The following MEGF11 variants were observed in gnomAD, a reference collection of about 807,000 sequenced individuals.
MEGF11 encodes multiple epidermal growth factor-like domains protein 11.
MEGF11 carries 126 observed loss-of-function variants against 146.6 expected under a neutral mutation model. That is an observed-to-expected ratio of 0.86 (90% confidence interval 0.74 to 1.00). The LOEUF is 1.00. Among genes scored for constraint, MEGF11 ranks in the 50% least tolerant of loss-of-function variants. The pLI is 0.00. For synonymous variants in MEGF11, 532 were observed against 583.4 expected, an observed-to-expected ratio of 0.91 and a Z score of 1.27; for missense variants, 1,509 against 1,521.2, an observed-to-expected ratio of 0.99 and a Z score of 0.13.
At chr15:65,995,180 T>G (rs333570) in intron 5 of MEGF11, among the ~76,000 whole-genome samples, 1 of 152,202 alleles carries the variant, frequency 6.6e-6, no homozygotes, top group South Asian at 2.1e-4. Flanking sequence ...GGAGGGGGCG[T>G]GCAGGGCTGG....
chr15:66,248,552 G>T (rs929250001), intron 1 of MEGF11, among the ~76,000 whole-genome samples: 3 of 152,146 alleles, frequency 2.0e-5, no homozygotes, highest in African/African-American at 7.2e-5. Context: ...CAGGTACAGG[G>T]GATATATTCC....
chr15:66,148,113 C>T (rs937991179), intron 1 of MEGF11, among the ~76,000 whole-genome samples: 7 of 152,116 alleles, frequency 4.6e-5, no homozygotes, highest in East Asian at 3.9e-4. Context: ...TAAATGTGTA[C>T]ACGCGTGCAT....
intron 7 of MEGF11, among the ~76,000 whole-genome samples, chr15:65,972,860 C>T (rs1478444675): frequency 6.6e-6 from 1 of 152,200 alleles, no homozygotes; most frequent in East Asian, 1.9e-4. Flanking sequence ...CACGGTGGCT[C>T]ACGCCTGTAA....
At chr15:65,966,528 C>T (rs1353443826) in intron 8 of MEGF11, among the ~76,000 whole-genome samples, 1 of 152,166 alleles carries the variant, frequency 6.6e-6, no homozygotes, top group East Asian at 1.9e-4. Flanking sequence ...CATATCTCCT[C>T]CCTGACTGCG....
At chr15:65,993,683 G>T (rs2082120913) in intron 5 of MEGF11, among the ~76,000 whole-genome samples, 1 of 152,180 alleles carries the variant, frequency 6.6e-6, no homozygotes, top group South Asian at 2.1e-4. Flanking sequence ...GGGATCAAGG[G>T]GAATTTGGTG....
At chr15:65,984,522 T>C (rs1355342117) in intron 5 of MEGF11, among the ~76,000 whole-genome samples, 1 of 18,254 alleles carries the variant, frequency 5.5e-5, no homozygotes, top group Non-Finnish European at 2.0e-4. Flanking sequence ...CAAGACTCCG[T>C]GTCAAAAAAA....
chr15:66,112,075 TAAA>T (rs10715805), intron 4 of MEGF11, among the ~76,000 whole-genome samples: 8 of 131,094 alleles, frequency 6.1e-5, no homozygotes, highest in Admixed American at 3.1e-4. Flanking sequence ...GGCTAATAGT[TAAA>T]AAAAAAAAAA....
intron 1 of MEGF11, among the ~76,000 whole-genome samples, chr15:66,200,697 A>G (rs1381583625): frequency 6.6e-6 from 1 of 152,214 alleles, no homozygotes; most frequent in African/African-American, 2.4e-5. Context: ...GAGTGAAGTT[A>G]AACTTAAGGC....
At chr15:66,067,051 C>T (rs1000183114) in intron 5 of MEGF11, among the ~76,000 whole-genome samples, 2 of 152,222 alleles carry the variant, frequency 1.3e-5, no homozygotes, top group South Asian at 4.1e-4. Context: ...AAATGGGGAT[C>T]ATATTCATCC....
At chr15:65,916,465 C>G (rs1362765835) in intron 17 of MEGF11, 189 bp from the exon 18 acceptor site, 1 of 784,166 alleles carries the variant, frequency 1.3e-6, no homozygotes, top group Non-Finnish European at 2.0e-6. Context: ...GTGATCGTTG[C>G]CTTTCCAAGA....
chr15:66,042,522 G>C (rs538346465), intron 5 of MEGF11, among the ~76,000 whole-genome samples: 4 of 151,928 alleles, frequency 2.6e-5, no homozygotes, highest in African/African-American at 4.8e-5. Context: ...TCAGAGCACT[G>C]GGGGGGAACA....
Position 65,965,116 on chromosome 15 carries a change from G to C in MEGF11, c.904C>G (p.Gln302Glu). Residue 302 changes from glutamine (Q) to glutamate (E), a missense_variant, in exon 9 of 26, where the codon CAA (glutamine) becomes GAA (glutamate). Gln to Glu is a conservative substitution (Grantham distance 29). Coordinates refer to ENST00000395614, the MANE Select transcript of MEGF11 (RefSeq NM_001385028.1). ...AAGGACCCGAAGGGGCACTCCTCTT[G>C]GCACCTGTGGGAGAGCAGAGTGGGG... ...CTAGYMGDRC[Q>E]EECPFGSFGF... 1 of 1,586,226 alleles carries C rather than the reference G, an allele frequency of 6.3e-7. No individual in the cohort carries two copies. The highest frequency in any genetic ancestry group is 8.6e-7 in the Non-Finnish European group (1 of 1,163,216).
chr15:65,979,551 G>T (rs900488947), intron 7 of MEGF11, among the ~76,000 whole-genome samples: 1 of 152,206 alleles, frequency 6.6e-6, no homozygotes, highest in African/African-American at 2.4e-5. Context: ...CCCCTGAAAC[G>T]GAGCGTGTTA....
At chr15:65,985,060 C>T (rs982672658) in intron 5 of MEGF11, among the ~76,000 whole-genome samples, 5 of 152,296 alleles carry the variant, frequency 3.3e-5, no homozygotes, top group South Asian at 2.1e-4. Context: ...TGAGCCACCA[C>T]GCCCGGCCAG....
chr15:66,203,342 A>G (rs1205521968), intron 1 of MEGF11, among the ~76,000 whole-genome samples: 1 of 152,168 alleles, frequency 6.6e-6, no homozygotes, highest in Non-Finnish European at 1.5e-5. Flanking sequence ...AGTCACTTTG[A>G]ATTGCACCCA....
At chr15:66,214,800 G>T (rs974949366) in intron 1 of MEGF11, among the ~76,000 whole-genome samples, 2 of 152,126 alleles carry the variant, frequency 1.3e-5, no homozygotes. Context: ...GGTACAGGCT[G>T]CCCCTTCCTC....
chr15:65,915,735 C>T (rs1363584236), intron 18 of MEGF11, 137 bp from the exon 19 acceptor site: 1 of 1,128,142 alleles, frequency 8.9e-7, no homozygotes, highest in African/African-American at 1.6e-5. Context: ...TGTTGAGGAG[C>T]ATTTATAGCA....
chr15:66,158,112 G>A (rs938037656), intron 1 of MEGF11, among the ~76,000 whole-genome samples: 4 of 152,170 alleles, frequency 2.6e-5, no homozygotes, highest in African/African-American at 4.8e-5. Context: ...GTATGTGGCT[G>A]CAGATTCCCA....
At chr15:65,908,996 C>T in intron 23 of MEGF11, 38 bp downstream of exon 23, 1 of 1,359,034 alleles carries the variant, frequency 7.4e-7, no homozygotes, top group South Asian at 1.2e-5. Context: ...TGGGTCTGGT[C>T]TGGCATGAGG....
Sources: gnomAD v4.1 joint callset for allele counts (sites outside exome capture counted in the v4.1 genomes callset) on GRCh38, gnomAD v4.1.1 for gene constraint, MANE v1.5 for transcripts, NCBI Gene and HGNC (gene_info 2026-07-23, HGNC 2026-07-21) for gene names.